DMD: variants seen among roughly 807,000 people sequenced by gnomAD.
DMD encodes the protein dystrophin, also known as mutant dystrophin.
Under a neutral mutation model 330.1 loss-of-function variants are expected in DMD, and 63 were observed. The observed-to-expected ratio is 0.19, with a 90% CI of 0.16 to 0.24. The LOEUF (loss-of-function observed/expected upper bound fraction) is 0.24, where lower values mean the gene tolerates loss of function less well. DMD is among the 10% of genes least tolerant of loss of function. The probability of loss-of-function intolerance (pLI) is 1.00; values close to 1 mark genes in which losing one functional copy is unlikely to be tolerated. For synonymous variants in DMD, 1,223 were observed against 959.8 expected (o/e 1.27, Z -5.07); for missense variants, 3,344 against 2,684.1 (o/e 1.25, Z -5.43).
At chrX:33,008,274 C>G (rs1313380258) in intron 2 of DMD, among the ~76,000 whole-genome samples, 1 of 111,567 alleles carries the variant, frequency 9.0e-6, no homozygotes, top group Non-Finnish European at 1.9e-5. Flanking sequence ...TACAAGTCTG[C>G]CCTCCATGTG....
chrX:31,799,978 G>T (rs1206934735), intron 50 of DMD, among the ~76,000 whole-genome samples: 7 of 112,932 alleles, frequency 6.2e-5, no homozygotes, highest in Non-Finnish European at 1.3e-4. Context: ...GGGCTCCCAT[G>T]GCCTTGGGCA....
At chrX:31,914,740 G>C (rs1280455687) in intron 47 of DMD, among the ~76,000 whole-genome samples, 1 of 112,295 alleles carries the variant, frequency 8.9e-6, no homozygotes, top group Admixed American at 9.4e-5. Flanking sequence ...GGGAAGGATA[G>C]TGGAGGAGTC....
At chrX:32,421,084 T>C (rs2098187667) in intron 29 of DMD, among the ~76,000 whole-genome samples, 1 of 111,979 alleles carries the variant, frequency 8.9e-6, no homozygotes, top group African/African-American at 3.2e-5. Flanking sequence ...GGACGACTGG[T>C]CCTTTTTCAT....
chrX:32,155,032 A>G (rs2147202806), intron 44 of DMD, among the ~76,000 whole-genome samples: 1 of 109,657 alleles, frequency 9.1e-6, no homozygotes, highest in Non-Finnish European at 1.9e-5. Flanking sequence ...CAAAGACCTT[A>G]CAGATTTGGG....
Position 32,721,269 on chromosome X carries a change from AG to A in DMD, c.650-21977del, listed in dbSNP as rs746672935. 2.7e-5 allele frequency among the ~76,000 whole-genome samples: 3 copies of A among 110,631 alleles called. No individual in the cohort carries two copies. In the South Asian group the frequency reaches 1.1e-3, roughly 42 times the overall value. ...TGGTAGTTCTATTTTTAACTTTTTG[AG>A]GAAACACTCCCAGACAATTTTCCAT... On this transcript the variant is annotated intron_variant, in intron 7 of 78. Transcript: ENST00000357033.
At chrX:32,078,019 G>A (rs962601595) in intron 44 of DMD, among the ~76,000 whole-genome samples, 8 of 110,567 alleles carry the variant, frequency 7.2e-5, no homozygotes, top group African/African-American at 2.3e-4. Context: ...GGTCTCTAGC[G>A]CCATGGCTCT....
intron 1 of DMD, among the ~76,000 whole-genome samples, chrX:33,132,419 C>T (rs1401637666): frequency 1.8e-5 from 2 of 111,698 alleles, no homozygotes; most frequent in Non-Finnish European, 3.8e-5. Flanking sequence ...CCAGCCATCC[C>T]TGTGATCCTC....
chrX:31,940,194 G>A (rs1316882708), intron 45 of DMD, among the ~76,000 whole-genome samples: 1 of 111,795 alleles, frequency 8.9e-6, no homozygotes, highest in African/African-American at 3.3e-5. Context: ...ATATTGAGGG[G>A]AAGATGGGGA....
intron 1 of DMD, among the ~76,000 whole-genome samples, chrX:33,280,801 C>A (rs933557802): frequency 8.9e-6 from 1 of 112,045 alleles, no homozygotes; most frequent in African/African-American, 3.2e-5. Context: ...TGAGTCTGTA[C>A]ACCACCAGTA....
At chrX:31,618,951 C>T (rs897944394) in intron 55 of DMD, among the ~76,000 whole-genome samples, 1 of 111,316 alleles carries the variant, frequency 9.0e-6, no homozygotes, top group Non-Finnish European at 1.9e-5. Flanking sequence ...GGATACTCAA[C>T]CAGTACTTGT....
At chrX:31,622,268 A>G (rs985086028) in intron 55 of DMD, among the ~76,000 whole-genome samples, 1 of 111,109 alleles carries the variant, frequency 9.0e-6, no homozygotes, top group African/African-American at 3.3e-5. Context: ...AATATATGTT[A>G]CAAAGTGATC....
intron 4 of DMD, among the ~76,000 whole-genome samples, chrX:32,840,325 T>A (rs1433251048): frequency 4.5e-5 from 5 of 112,270 alleles, no homozygotes; most frequent in African/African-American, 9.7e-5. Flanking sequence ...CATATTCTAA[T>A]TTTATATTCA....
At chrX:33,279,133 C>T (rs941383614) in intron 1 of DMD, among the ~76,000 whole-genome samples, 12 of 111,941 alleles carry the variant, frequency 1.1e-4, no homozygotes, top group African/African-American at 3.9e-4. Flanking sequence ...CTCATCTGCA[C>T]ACAGAATGTA....
Position 33,207,940 on chromosome X carries a change from C to G in DMD, c.31+3342G>C, listed in dbSNP as rs906913187. Among the ~76,000 whole-genome samples, 4 of 111,370 alleles carry G rather than the reference C, an allele frequency of 3.6e-5. No homozygotes were observed. The Admixed American group carries it at 3.8e-4, about 11-fold the overall frequency. ...TCCCCAGAAAATATTCCAATACGAA[C>G]CAACTGCCTTGATAACAGAACACAA... On this transcript the variant is annotated intron_variant, in intron 1 of 78. Transcript: ENST00000357033.
In DMD at chrX:31,679,441, C is replaced by T. The variant is rs2148732901; in HGVS notation, c.7806G>A (p.Lys2602=). The T allele has an allele frequency of 8.3e-7, 1 of 1,211,719 alleles. No individual in the cohort carries two copies. Among genetic ancestry groups the T allele is most frequent in the Non-Finnish European group, 1.1e-6 (1 of 895,442 alleles). Residue 2602 remains lysine, a synonymous_variant, in exon 53 of 79, where the codon AAG becomes AAA. Coordinates refer to ENST00000357033, the MANE Select transcript of DMD (RefSeq NM_004006.3). ...AGGGACCCTCCTTCCATGACTCAAG[C>T]TTGGCTCTGGCCTGTCCTAAGACCT... ...AEQVLGQARA[K]LESWKEGPYT...
chrX:32,949,455 G>C (rs1398673360), intron 2 of DMD, among the ~76,000 whole-genome samples: 1 of 110,278 alleles, frequency 9.1e-6, no homozygotes, highest in Non-Finnish European at 1.9e-5. Flanking sequence ...AAACTGGCAA[G>C]CTTGCCTAAA....
intron 43 of DMD, among the ~76,000 whole-genome samples, chrX:32,269,523 A>G (rs1231694285): frequency 9.0e-6 from 1 of 111,311 alleles, no homozygotes. Context: ...CTGAGGAGGC[A>G]TGAATTAAGG....
chrX:31,376,157 T>G (rs1243662129), intron 60 of DMD, among the ~76,000 whole-genome samples: 1 of 112,395 alleles, frequency 8.9e-6, no homozygotes, highest in African/African-American at 3.2e-5. Context: ...AGGAACTGCA[T>G]GGAAGCAAAC....
At chrX:31,497,762 A>G (rs1279231127) in intron 56 of DMD, among the ~76,000 whole-genome samples, 1 of 112,440 alleles carries the variant, frequency 8.9e-6, no homozygotes, top group Non-Finnish European at 1.9e-5. Flanking sequence ...AATAAAATAA[A>G]TCATCATCCA....
Sources: gnomAD v4.1 joint callset for allele counts (sites outside exome capture counted in the v4.1 genomes callset) on GRCh38, gnomAD v4.1.1 for gene constraint, MANE v1.5 for transcripts, NCBI Gene and HGNC (gene_info 2026-07-23, HGNC 2026-07-21) for gene names.